ROBO1: variants seen among roughly 807,000 people sequenced by gnomAD.
The protein encoded by ROBO1 is roundabout homolog 1.
ROBO1 carries 149 observed loss-of-function variants against 195.9 expected under a neutral mutation model. The observed-to-expected ratio is 0.76, with a 90% confidence interval of 0.67 to 0.87. The LOEUF (loss-of-function observed/expected upper bound fraction) is 0.87. ROBO1 is among the 40% of genes least tolerant of loss of function. The pLI, the probability that ROBO1 is intolerant of heterozygous loss-of-function variation, is 0.00. For missense variants in ROBO1, 1,933 were observed against 2,068.3 expected (o/e 0.93, Z 1.27); for synonymous variants, 816 against 733.2 (o/e 1.11, Z -1.82).
intron 4 of ROBO1, among the ~76,000 whole-genome samples, chr3:78,903,605 T>C (rs2037717737): frequency 6.6e-6 from 1 of 151,526 alleles, no homozygotes; most frequent in Non-Finnish European, 1.5e-5. Flanking sequence ...GATATTAGAA[T>C]TCAGCAAAAT....
chr3:79,673,196 C>A (rs777536071), intron 1 of ROBO1, among the ~76,000 whole-genome samples: 13 of 151,908 alleles, frequency 8.6e-5, no homozygotes, highest in Non-Finnish European at 1.8e-4. Flanking sequence ...TTATAGATTT[C>A]TTAATATTTC....
chr3:78,888,506 C>A (rs569707780), intron 4 of ROBO1, among the ~76,000 whole-genome samples: 2 of 152,202 alleles, frequency 1.3e-5, no homozygotes, highest in East Asian at 3.9e-4. Flanking sequence ...TTTTCTTGCT[C>A]GAAATACACA....
chr3:79,446,043 T>C (rs1052949595), intron 2 of ROBO1, among the ~76,000 whole-genome samples: 2 of 151,550 alleles, frequency 1.3e-5, no homozygotes, highest in Non-Finnish European at 2.9e-5. Context: ...AGCAATCCCC[T>C]TGCCTCAGCC....
chr3:79,147,144 C>T lies in ROBO1; in HGVS notation c.89-21605G>A, dbSNP rs552803348. On this transcript the variant is annotated intron_variant, in intron 2 of 30. Coordinates refer to ENST00000464233, the MANE Select transcript of ROBO1 (RefSeq NM_002941.4). The stretch of plus-strand genomic sequence containing the variant: ...GTAATGGAAAATTTTGATTTAAATT[C>T]TAATTTTATACCACCTGTCCAGTAG... 3.8e-4 allele frequency among the ~76,000 whole-genome samples: 58 copies of T among 151,818 alleles called. 2 individuals carry two copies. The highest frequency in any genetic ancestry group is 2.9e-5 in the Non-Finnish European group (2 of 67,916).
intron 4 of ROBO1, among the ~76,000 whole-genome samples, chr3:78,850,832 G>A (rs1348473030): frequency 6.6e-6 from 1 of 150,448 alleles, no homozygotes; most frequent in Non-Finnish European, 1.5e-5. Context: ...TTGAGATGGT[G>A]TTTCACTCTT....
intron 2 of ROBO1, among the ~76,000 whole-genome samples, chr3:79,335,976 A>C (rs973383014): frequency 6.6e-6 from 1 of 152,216 alleles, no homozygotes; most frequent in Non-Finnish European, 1.5e-5. Flanking sequence ...GCTGTGCTTT[A>C]GCAAAGAGAC....
At chr3:79,037,098 A>G (rs1576597050) in intron 3 of ROBO1, among the ~76,000 whole-genome samples, 1 of 152,140 alleles carries the variant, frequency 6.6e-6, no homozygotes, top group Non-Finnish European at 1.5e-5. Context: ...AACTGATCAC[A>G]TCTAGATTTC....
intron 1 of ROBO1, among the ~76,000 whole-genome samples, chr3:79,739,237 G>C (rs1703519834): frequency 6.6e-6 from 1 of 152,148 alleles, no homozygotes; most frequent in Non-Finnish European, 1.5e-5. Context: ...AGATGAACAA[G>C]AGAAATTTAA....
chr3:79,143,563 A>G (rs1031552296), intron 2 of ROBO1, among the ~76,000 whole-genome samples: 1 of 152,120 alleles, frequency 6.6e-6, no homozygotes. Flanking sequence ...TGACTATGCC[A>G]TTAAGTATTC....
intron 2 of ROBO1, among the ~76,000 whole-genome samples, chr3:79,550,431 A>G (rs530550779): frequency 5.5e-4 from 83 of 152,224 alleles, no homozygotes; most frequent in Admixed American, 9.2e-4. Flanking sequence ...TTCTCTCAAA[A>G]TCTAAGGAGC....
intron 1 of ROBO1, among the ~76,000 whole-genome samples, chr3:79,719,987 A>T (rs2107287462): frequency 6.6e-6 from 1 of 152,326 alleles, no homozygotes; most frequent in East Asian, 1.9e-4. Context: ...AAGGTTACAA[A>T]TGTGTACTAT....
Position 78,627,589 on chromosome 3 carries a change from T to C in ROBO1, c.3627-20A>G. 6.3e-7 allele frequency: 1 copy of C among 1,588,458 alleles called. No homozygotes were observed. ...TCATAGCTAAAATAAATGATAAGGA[T>C]GTGTAGACTTACTTCAGGTTATTCA... On this transcript the variant is annotated intron_variant, in intron 25 of 30. Transcript: ENST00000464233.
intron 2 of ROBO1, among the ~76,000 whole-genome samples, chr3:79,278,405 C>CAAAA (rs1354342163): frequency 1.3e-5 from 2 of 151,746 alleles, no homozygotes; most frequent in African/African-American, 4.8e-5. Flanking sequence ...AACAAACAAA[C>CAAAA]AAAAAAGCTG....
intron 2 of ROBO1, among the ~76,000 whole-genome samples, chr3:79,523,422 C>CA (rs1237404703): frequency 2.0e-5 from 3 of 148,248 alleles, no homozygotes; most frequent in Non-Finnish European, 4.5e-5. Context: ...AATTGTTCAC[C>CA]AAAAAAGCCC....
intron 2 of ROBO1, among the ~76,000 whole-genome samples, chr3:79,283,067 C>CAAT (rs1231920901): frequency 1.3e-5 from 2 of 152,174 alleles, no homozygotes; most frequent in East Asian, 3.9e-4. Context: ...TATATAAATT[C>CAAT]AATGTCATGT....
intron 3 of ROBO1, among the ~76,000 whole-genome samples, chr3:79,060,983 T>C (rs2078906342): frequency 6.6e-6 from 1 of 152,102 alleles, no homozygotes. Flanking sequence ...CAACATACTG[T>C]TGAAAGTTCT....
intron 5 of ROBO1, among the ~76,000 whole-genome samples, chr3:78,719,385 A>T (rs2081986381): frequency 6.6e-6 from 1 of 152,184 alleles, no homozygotes; most frequent in African/African-American, 2.4e-5. Flanking sequence ...AAATATAAAG[A>T]AAACGTCACA....
chr3:78,947,906 T>C (rs1159511411), intron 3 of ROBO1, among the ~76,000 whole-genome samples: 1 of 152,114 alleles, frequency 6.6e-6, no homozygotes, highest in East Asian at 1.9e-4. Context: ...TCTACACAAA[T>C]AAACTAGAAA....
At chr3:79,641,454 G>A (rs374458606) in intron 1 of ROBO1, among the ~76,000 whole-genome samples, 5 of 151,994 alleles carry the variant, frequency 3.3e-5, no homozygotes, top group South Asian at 2.1e-4. Context: ...GCTAGATGAC[G>A]AGTTAGTGGG....
Sources: gnomAD v4.1 joint callset for allele counts (sites outside exome capture counted in the v4.1 genomes callset) on GRCh38, gnomAD v4.1.1 for gene constraint, MANE v1.5 for transcripts, NCBI Gene and HGNC (gene_info 2026-07-23, HGNC 2026-07-21) for gene names.